The following PACRG variants were observed in gnomAD, a reference collection of about 807,000 sequenced individuals.
PACRG encodes parkin coregulated.
In PACRG, 29 loss-of-function variants were observed where a neutral mutation model predicts 29.7. The ratio of observed to expected loss-of-function variants is 0.98; its 90% CI spans 0.73 to 1.33. The LOEUF is 1.33. Ranked by LOEUF, PACRG falls within the 40% of genes most tolerant of loss-of-function variation. PACRG has a pLI of 0.00. For synonymous variants in PACRG, 116 were observed against 118.7 expected, an observed-to-expected ratio of 0.98 and a Z score of 0.15; for missense variants, 279 against 316.2, an observed-to-expected ratio of 0.88 and a Z score of 0.89.
chr6:162,978,891 TC>T (rs1401554697), intron 2 of PACRG, among the ~76,000 whole-genome samples: 1 of 152,192 alleles, frequency 6.6e-6, no homozygotes, highest in East Asian at 1.9e-4. Flanking sequence ...GGGTGACTCA[TC>T]CTTAGAAGAA....
intron 1 of PACRG, among the ~76,000 whole-genome samples, chr6:162,783,174 G>A (rs1160745863): frequency 6.6e-6 from 1 of 151,902 alleles, no homozygotes; most frequent in Non-Finnish European, 1.5e-5. Flanking sequence ...AGGAAGGAAT[G>A]TGTATTTTGC....
Position 162,963,448 on chromosome 6 carries a change from C to T in PACRG, c.292-98702C>T, listed in dbSNP as rs547399659. On this transcript the variant is annotated intron_variant, in intron 2 of 4. Transcript: ENST00000366888. Reference sequence around the variant, plus strand: ...GTTCAAAATCATGTGTATATAATGACATAGAATAAAACAGAAGTACCCAGA... The same window carrying T: ...GTTCAAAATCATGTGTATATAATGATATAGAATAAAACAGAAGTACCCAGA... Among the ~76,000 whole-genome samples the T allele has an allele frequency of 1.3e-4, 20 of 151,810 alleles. No individual in the cohort carries two copies. In the South Asian group the frequency reaches 3.3e-3, roughly 25 times the overall value.
At chr6:163,145,271 A>G (rs1777750413) in intron 4 of PACRG, among the ~76,000 whole-genome samples, 1 of 152,194 alleles carries the variant, frequency 6.6e-6, no homozygotes, top group African/African-American at 2.4e-5. Context: ...TCACAGTGTA[A>G]TGAGGATTAA....
At chr6:163,213,857 A>G (rs1471835781) in intron 4 of PACRG, among the ~76,000 whole-genome samples, 1 of 144,054 alleles carries the variant, frequency 6.9e-6, no homozygotes, top group African/African-American at 2.6e-5. Context: ...TCTAACTGAA[A>G]TTTACATTGG....
intron 2 of PACRG, among the ~76,000 whole-genome samples, chr6:162,944,718 A>G (rs1212753431): frequency 6.6e-6 from 1 of 152,126 alleles, no homozygotes; most frequent in East Asian, 1.9e-4. Context: ...AGACTAGATC[A>G]AACAGAAGAA....
intron 2 of PACRG, among the ~76,000 whole-genome samples, chr6:162,961,504 C>T (rs1800615627): frequency 6.6e-6 from 1 of 152,186 alleles, no homozygotes; most frequent in Admixed American, 6.5e-5. Context: ...CTTTTGTAAT[C>T]CAGTGGTTGA....
chr6:163,073,027 C>G (rs1812217561), intron 3 of PACRG, among the ~76,000 whole-genome samples: 1 of 152,068 alleles, frequency 6.6e-6, no homozygotes, highest in Admixed American at 6.6e-5. Flanking sequence ...TCCATACTAC[C>G]CAAAGCAATC....
intron 1 of PACRG, among the ~76,000 whole-genome samples, chr6:162,774,203 A>G (rs1217390650): frequency 6.6e-6 from 1 of 151,968 alleles, no homozygotes; most frequent in African/African-American, 2.4e-5. Flanking sequence ...GGCCCACCCC[A>G]CTCTCTCCGA....
At chr6:162,973,815 G>C (rs968986930) in intron 2 of PACRG, among the ~76,000 whole-genome samples, 1 of 152,082 alleles carries the variant, frequency 6.6e-6, no homozygotes, top group African/African-American at 2.4e-5. Flanking sequence ...TAGATCTTTT[G>C]CAGAATAATA....
chr6:162,791,731 C>A (rs549169316), intron 1 of PACRG, among the ~76,000 whole-genome samples: 1 of 152,236 alleles, frequency 6.6e-6, no homozygotes, highest in South Asian at 2.1e-4. Context: ...TGAATTTCAC[C>A]ATTCAGTACT....
chr6:163,097,717 G>A (rs1235854956), intron 4 of PACRG, among the ~76,000 whole-genome samples: 2 of 152,168 alleles, frequency 1.3e-5, no homozygotes. Context: ...GCAATTGGTT[G>A]AAAGAGTTAA....
Position 162,804,508 on chromosome 6 carries a change from C to T in PACRG, c.157-9639C>T, listed in dbSNP as rs112354217. 9.2e-5 allele frequency among the ~76,000 whole-genome samples: 14 copies of T among 152,220 alleles called. No individual in the cohort carries two copies. The East Asian group carries it at 1.2e-3, about 13-fold the overall frequency. On this transcript the variant is annotated intron_variant, in intron 1 of 4. Coordinates refer to ENST00000366888, the MANE Select transcript of PACRG (RefSeq NM_001080379.2). ...CCTTGTCTGTGAAATAATTTTCATA[C>T]GGTTTTGTTGCAAATTGATACCAGT...
At chr6:163,248,692 C>T (rs1782786219) in intron 4 of PACRG, among the ~76,000 whole-genome samples, 1 of 152,148 alleles carries the variant, frequency 6.6e-6, no homozygotes, top group African/African-American at 2.4e-5. Flanking sequence ...ATTAGGTTTT[C>T]TGATAGCCTT....
chr6:162,747,363 T>TATATAC (rs1387062456), intron 1 of PACRG, among the ~76,000 whole-genome samples: 2 of 35,246 alleles, frequency 5.7e-5, no homozygotes, highest in African/African-American at 1.7e-4. Flanking sequence ...TATATATATA[T>TATATAC]ACACATACAT....
intron 3 of PACRG, among the ~76,000 whole-genome samples, chr6:163,088,621 A>T (rs1480764799): frequency 2.0e-5 from 3 of 152,102 alleles, no homozygotes; most frequent in Non-Finnish European, 4.4e-5. Context: ...TGCACTCAGA[A>T]CTGTTTCTTT....
chr6:162,824,904 G>A (rs1441470343), intron 2 of PACRG, among the ~76,000 whole-genome samples: 1 of 152,174 alleles, frequency 6.6e-6, no homozygotes, highest in Non-Finnish European at 1.5e-5. Context: ...AATCCTTTAT[G>A]CAGTATGTGT....
intron 2 of PACRG, among the ~76,000 whole-genome samples, chr6:162,989,165 A>G (rs1803186074): frequency 6.6e-6 from 1 of 152,172 alleles, no homozygotes; most frequent in South Asian, 2.1e-4. Flanking sequence ...ACATAAGCAT[A>G]AGAAAGACCT....
At chr6:163,156,295 C>CAACATG (rs1778312860) in intron 4 of PACRG, among the ~76,000 whole-genome samples, 1 of 152,204 alleles carries the variant, frequency 6.6e-6, no homozygotes, top group South Asian at 2.1e-4. Flanking sequence ...ACTCCCAACT[C>CAACATG]AACATGTTTA....
chr6:163,224,940 A>C (rs1585348296), intron 4 of PACRG, among the ~76,000 whole-genome samples: 1 of 152,332 alleles, frequency 6.6e-6, no homozygotes, highest in African/African-American at 2.4e-5. Context: ...ATATTTGCAA[A>C]CCAAAAATCC....
Sources: gnomAD v4.1 joint callset for allele counts (sites outside exome capture counted in the v4.1 genomes callset) on GRCh38, gnomAD v4.1.1 for gene constraint, MANE v1.5 for transcripts, NCBI Gene and HGNC (gene_info 2026-07-23, HGNC 2026-07-21) for gene names.